The following ASB6 variants were observed in gnomAD, a reference collection of about 807,000 sequenced individuals.
ASB6 encodes ankyrin repeat and SOCS box containing 6.
Under a neutral mutation model 28.6 loss-of-function variants are expected in ASB6, and 24 were observed. The observed-to-expected ratio is 0.84, with a 90% CI of 0.61 to 1.18. The LOEUF (loss-of-function observed/expected upper bound fraction) is 1.18. ASB6 is among the 50% of genes most tolerant of loss of function. The pLI, the probability that ASB6 is intolerant of heterozygous loss-of-function variation, is 0.00. For missense variants in ASB6, 519 were observed against 559.8 expected (o/e 0.93, Z 0.74); for synonymous variants, 267 against 243.4 (o/e 1.10, Z -0.90).
At chr9:129,640,519 C>T (rs766165807) in intron 2 of ASB6, 22 bp downstream of exon 2, 2 of 1,591,298 alleles carry the variant, frequency 1.3e-6, no homozygotes, top group Admixed American at 3.6e-5. Context: ...GCCACCTGCC[C>T]ACCCCCGGGG....
In ASB6 at chr9:129,634,951, G is replaced by GTGGTC; in HGVS notation, c.*2838_*2839insGACCA. On this transcript the variant is annotated 3_prime_UTR_variant, in exon 6 of 6. Coordinates refer to ENST00000277458, the MANE Select transcript of ASB6 (RefSeq NM_017873.4). ...GGGGCATCATGGTGTGTAGGTATCA[G>GTGGTC]GCAGGACTTGTAAGCCATCCCGTCA... is the stretch of plus-strand genomic sequence containing the variant. 2.0e-6 allele frequency: 1 copy of GTGGTC among 510,620 alleles called. No homozygotes were observed. The highest frequency in any genetic ancestry group is 3.5e-6 in the Non-Finnish European group (1 of 284,378). 31.6% of individuals were successfully genotyped at this position (510,620 alleles called of 1,614,324 possible). A position where few individuals can be genotyped will look rare whatever the true frequency, so the allele number is the denominator to read the frequency against.
At chr9:129,638,840 G>C (rs953606490) in intron 4 of ASB6, among the ~76,000 whole-genome samples, 181 bp from the exon 5 acceptor site, 2 of 152,224 alleles carry the variant, frequency 1.3e-5, no homozygotes, top group Non-Finnish European at 2.9e-5. Flanking sequence ...TCCACCCAGA[G>C]AAGTGGGAGC....
Position 129,638,324 on chromosome 9 carries a change from C to T in ASB6, c.732G>A (p.Arg244=). The change falls in exon 6 of 6, where the codon CGG becomes CGA. Residue 244 remains arginine (R), a synonymous_variant. Transcript: ENST00000277458. The part of the protein sequence containing the change: ...MINRFCFQVT[R]LLLAHGADPS... ...GGTCGGCCCCGTGTGCCAGCAGCAG[C>T]CGTGTGACTTGGAAGCAGAAGCGGT... is the stretch of plus-strand genomic sequence containing the variant. 6.2e-7 allele frequency: 1 copy of T among 1,612,946 alleles called. No homozygotes were observed.
chr9:129,640,500 C>A, intron 2 of ASB6, 41 bp downstream of exon 2: 1 of 1,577,418 alleles, frequency 6.3e-7, no homozygotes. Context: ...AGCGTCGGGC[C>A]GCGTTTAAGC....
At position 129,638,408 on chromosome 9, in the gene ASB6, G is replaced by A; in HGVS notation, c.648C>T (p.Cys216=). 1.2e-6 allele frequency: 2 copies of A among 1,613,732 alleles called. No homozygotes were observed. The highest frequency in any genetic ancestry group is 1.7e-6 in the Non-Finnish European group (2 of 1,179,922). The part of the protein sequence containing the change: ...TTKDGDTVFT[C]IIFLLGETVG... ...CGGTCTCACCAAGCAGGAAGATGAT[G>A]CAGGTGAACACTGTGTCCCCATCTT... is the stretch of plus-strand genomic sequence containing the variant. The change falls in exon 6 of 6, where the codon TGC becomes TGT. Residue 216 remains cysteine, a synonymous_variant. Transcript: ENST00000277458.
chr9:129,635,548 C>G lies in ASB6; in HGVS notation c.*2242G>C. 1.3e-6 allele frequency: 2 copies of G among 1,487,002 alleles called. No homozygotes were observed. Among genetic ancestry groups the G allele is most frequent in the Non-Finnish European group, 1.8e-6 (2 of 1,099,714 alleles). 92.1% of individuals were successfully genotyped at this position (1,487,002 alleles called of 1,614,324 possible). A position where few individuals can be genotyped will look rare whatever the true frequency, so the allele number is the denominator to read the frequency against. ...GGGCAAGATCCAGGCGCCACGCTGG[C>G]GGTTCGTGAGTGTCGAGGCACCACT... On this transcript the variant is annotated 3_prime_UTR_variant, in exon 6 of 6. Transcript: ENST00000277458.
rs1273135610 is a variant in ASB6, at chr9:129,634,995, T to C, written c.*2795A>G. 6.8e-6 allele frequency: 4 copies of C among 591,940 alleles called. No individual in the cohort carries two copies. In the East Asian group the frequency reaches 8.7e-5, roughly 13 times the overall value. 36.7% of individuals were successfully genotyped at this position (591,940 alleles called of 1,614,324 possible). ...CCCGTCAAGTCAAATTCTGGCTTAA[T>C]GTGTCTTTAGGTAGATGACCTCTGA... On this transcript the variant is annotated 3_prime_UTR_variant, in exon 6 of 6. Transcript: ENST00000277458.
At position 129,641,317 on chromosome 9, in the gene ASB6, C is replaced by G. The variant is rs1831692491; in HGVS notation, c.113+570G>C. 3 of 154,520 alleles carry G rather than the reference C, an allele frequency of 1.9e-5. No homozygotes were observed. In the South Asian group the frequency reaches 5.6e-4, roughly 29 times the overall value. The allele number at this position is 154,520 out of a possible 1,614,324, so 9.6% of individuals were successfully genotyped here. On this transcript the variant is annotated intron_variant, in intron 1 of 5. Coordinates refer to ENST00000277458, the MANE Select transcript of ASB6 (RefSeq NM_017873.4). ...CCGAGCCCCTTCCTTCTGCTCTCCC[C>G]TCCCTTCCACCTCGCGTGCCGCCGT...
rs1831577697 is a variant in ASB6, at chr9:129,637,239, G to C, written c.*551C>G. The stretch of plus-strand genomic sequence containing the variant: ...GGCCCCAGAGCTACAGGAACAGGCA[G>C]GGGCCAGCTTGGCTTGCAACACCAT... On this transcript the variant is annotated 3_prime_UTR_variant, in exon 6 of 6. Coordinates refer to ENST00000277458, the MANE Select transcript of ASB6 (RefSeq NM_017873.4). The C allele has an allele frequency of 6.6e-6, 1 of 152,282 alleles. No individual in the cohort carries two copies. Among genetic ancestry groups the C allele is most frequent in the Non-Finnish European group, 1.5e-5 (1 of 68,078 alleles). 9.4% of individuals were successfully genotyped at this position (152,282 alleles called of 1,614,324 possible).
chr9:129,640,486 AC>A, intron 2 of ASB6, 54 bp downstream of exon 2: 1 of 1,559,372 alleles, frequency 6.4e-7, no homozygotes, highest in Non-Finnish European at 8.7e-7. Flanking sequence ...ATGGGCGCCC[AC>A]CCAGCGTCGG....
Position 129,639,235 on chromosome 9 carries a change from G to C in ASB6, c.478C>G (p.Leu160Val). Residue 160 changes from leucine (L) to valine (V), a missense_variant, in exon 4 of 6, where the codon CTT becomes GTT. Coordinates refer to ENST00000277458, the MANE Select transcript of ASB6 (RefSeq NM_017873.4). ...TCAGCGGCATTGACATCAGCTCCAA[G>C]GTCCAGGAGGCGCTGCAGGCAGGGC... ...RLPCLQRLLD[L>V]GADVNAADKH... is the part of the protein sequence containing the mutation. 2 of 1,611,422 alleles carry C rather than the reference G, an allele frequency of 1.2e-6. No individual in the cohort carries two copies. The highest frequency in any genetic ancestry group is 1.7e-6 in the Non-Finnish European group (2 of 1,179,152).
At position 129,639,394 on chromosome 9, in the gene ASB6, G is replaced by A; in HGVS notation, c.402+8C>T. On this transcript the variant is annotated splice_region_variant and intron_variant, in intron 3 of 5. Coordinates refer to ENST00000277458, the MANE Select transcript of ASB6 (RefSeq NM_017873.4). ...CCTGCTTCAAAGCAAGCTGGACCTG[G>A]CACTTACCCGGTCCCTCCGATTAAC... is the stretch of plus-strand genomic sequence containing the variant. The A allele has an allele frequency of 1.2e-6, 2 of 1,606,684 alleles. No individual in the cohort carries two copies. The highest frequency in any genetic ancestry group is 8.5e-7 in the Non-Finnish European group (1 of 1,174,308).
intron 1 of ASB6, among the ~76,000 whole-genome samples, chr9:129,641,622 C>A (rs1316612244): frequency 6.6e-6 from 1 of 152,206 alleles, no homozygotes. Context: ...GACAGGCAGG[C>A]GACAGGGTGG....
chr9:129,637,654 A>G lies in ASB6; in HGVS notation c.*136T>C. On this transcript the variant is annotated 3_prime_UTR_variant, in exon 6 of 6. Coordinates refer to ENST00000277458, the MANE Select transcript of ASB6 (RefSeq NM_017873.4). ...TGGAGTGATCACAGCTTCAGGCTCT[A>G]CCTGGCTGGCTTTTCTCATGAAGGA... is the stretch of plus-strand genomic sequence containing the variant. 1.1e-6 allele frequency: 1 copy of G among 892,428 alleles called. No individual in the cohort carries two copies. The highest frequency in any genetic ancestry group is 2.5e-5 in the South Asian group (1 of 40,468). 55.3% of individuals were successfully genotyped at this position (892,428 alleles called of 1,614,324 possible).
chr9:129,641,670 C>CGCCCTCGGGCCCTCGG (rs111738825), intron 1 of ASB6, among the ~76,000 whole-genome samples: 83 of 151,072 alleles, frequency 5.5e-4, no homozygotes, highest in African/African-American at 7.3e-4. Flanking sequence ...CGCGGGCCTC[C>CGCCCTCGGGCCCTCGG]GCCCTCGGGC....
In ASB6 at chr9:129,635,372, A is replaced by G. The variant is rs1194454524; in HGVS notation, c.*2418T>C. ...GGACCTTGACGTGGTCCGCAGGATC[A>G]TCTGCAGTGCAGGCCTCAGCCTCCT... On this transcript the variant is annotated 3_prime_UTR_variant, in exon 6 of 6. Transcript: ENST00000277458. The G allele has an allele frequency of 1.2e-6, 2 of 1,613,684 alleles. No individual in the cohort carries two copies. Among genetic ancestry groups the G allele is most frequent in the Non-Finnish European group, 1.7e-6 (2 of 1,180,038 alleles).
rs761637211 is a variant in ASB6, at chr9:129,638,325, CGT to C, written c.729_730del (p.Arg244AlafsTer27). On this transcript the variant is annotated frameshift_variant, in exon 6 of 6. Transcript: ENST00000277458. LOFTEE classifies it high-confidence loss of function. ...GTCGGCCCCGTGTGCCAGCAGCAGC[CGT>C]GTGACTTGGAAGCAGAAGCGGTTGA... 1 of 1,612,886 alleles carries C rather than the reference CGT, an allele frequency of 6.2e-7. No homozygotes were observed. The highest frequency in any genetic ancestry group is 1.7e-5 in the Admixed American group (1 of 60,022).
Position 129,637,939 on chromosome 9 carries a change from G to A in ASB6, c.1117C>T (p.Pro373Ser), listed in dbSNP as rs1831596195. The change falls in exon 6 of 6, where the codon CCG (proline) becomes TCG (serine). Residue 373 changes from proline to serine, a missense_variant. Coordinates refer to ENST00000277458, the MANE Select transcript of ASB6 (RefSeq NM_017873.4). ...FSLRQLESYP[P>S]PLKHLCRVAI... The stretch of plus-strand genomic sequence containing the variant: ...ACACGGCACAGGTGCTTGAGGGGCG[G>A]GGGATAGCTCTCCAGCTGCCTCAAG... The A allele has an allele frequency of 3.1e-6, 5 of 1,594,710 alleles. No individual in the cohort carries two copies. The highest frequency in any genetic ancestry group is 3.4e-5 in the Admixed American group (2 of 58,296).
rs1413854004 is a variant in ASB6 at position 129,638,610 on chromosome 9, G to A, written c.561C>T (p.Ile187=). The A allele has an allele frequency of 1.2e-6, 2 of 1,613,978 alleles. No homozygotes were observed. The highest frequency in any genetic ancestry group is 1.7e-6 in the Non-Finnish European group (2 of 1,179,932). Residue 187 remains isoleucine (I), a synonymous_variant, in exon 5 of 6, where the codon ATC becomes ATT. Coordinates refer to ENST00000277458, the MANE Select transcript of ASB6 (RefSeq NM_017873.4). ...HALASSDGVQ[I]HNTENIRLLL... ...AGAGACGAATGTTCTCAGTATTGTG[G>A]ATCTGCACCCCGTCGCTGCTGGCCA... is the stretch of plus-strand genomic sequence containing the variant.
Sources: allele counts gnomAD v4.1 joint callset (sites outside exome capture counted in the v4.1 genomes callset), GRCh38; gene constraint gnomAD v4.1.1; transcripts MANE v1.5; gene names NCBI Gene and HGNC (gene_info 2026-07-23, HGNC 2026-07-21).